The following UTS2 variants were observed in gnomAD, a reference collection of about 807,000 sequenced individuals.
The protein encoded by UTS2 is urotensin 2, also known as urotensin-2.
UTS2 carries 10 observed loss-of-function variants against 12.6 expected under a neutral mutation model. That is an observed-to-expected ratio of 0.80 (90% confidence interval 0.49 to 1.35). The LOEUF (loss-of-function observed/expected upper bound fraction) is 1.35. Among genes scored for constraint, UTS2 ranks in the 40% most tolerant of loss-of-function variants. UTS2 has a pLI of 0.00. For missense variants in UTS2, 142 were observed against 143.2 expected (o/e 0.99, Z 0.04); for synonymous variants, 52 against 50.0 (o/e 1.04, Z -0.17).
At chr1:7,864,915 CCTCTGTGTGTCTGTCCG>C in the UTS2 span, among the ~76,000 whole-genome samples, 1 of 106,302 alleles carries the variant, frequency 9.4e-6, no homozygotes, top group Non-Finnish European at 2.2e-5. Context: ...CACAGCGGTC[CCTCTGTGTGTCTGTCCG>C]ATACCATCTT....
At chr1:7,895,594 G>GAT in the UTS2 span, among the ~76,000 whole-genome samples, 1 of 152,118 alleles carries the variant, frequency 6.6e-6, no homozygotes. Context: ...TTAATTGACA[G>GAT]ATAACTACCA....
the UTS2 span, among the ~76,000 whole-genome samples, chr1:7,874,929 G>A: frequency 6.6e-6 from 1 of 152,054 alleles, no homozygotes; most frequent in South Asian, 2.1e-4. Context: ...AAATGTCCTT[G>A]CTTCCCCTTT....
At chr1:7,904,923 AAAG>A in the UTS2 span, among the ~76,000 whole-genome samples, 1 of 150,204 alleles carries the variant, frequency 6.7e-6, no homozygotes, top group African/African-American at 2.5e-5. Context: ...AAAAAAAAAA[AAAG>A]CCCACATAGA....
chr1:7,890,331 C>T, the UTS2 span, among the ~76,000 whole-genome samples: 2 of 152,082 alleles, frequency 1.3e-5, no homozygotes, highest in African/African-American at 2.4e-5. Context: ...GGTTTTTCTC[C>T]GTCCTTGCAA....
At chr1:7,872,519 G>A in the UTS2 span, among the ~76,000 whole-genome samples, 2 of 152,158 alleles carry the variant, frequency 1.3e-5, no homozygotes, top group South Asian at 2.1e-4. Flanking sequence ...TGCTGATATG[G>A]AGAAAGTTCT....
At chr1:7,850,719 C>T in intron 2 of UTS2, 93 bp downstream of exon 2, 1 of 1,312,480 alleles carries the variant, frequency 7.6e-7, no homozygotes, top group Non-Finnish European at 1.1e-6. Flanking sequence ...TCTTTATATT[C>T]CAAAATAGAG....
chr1:7,851,098 C>T (rs1443905635), intron 1 of UTS2, among the ~76,000 whole-genome samples, 176 bp from the exon 2 acceptor site: 1 of 152,144 alleles, frequency 6.6e-6, no homozygotes, highest in African/African-American at 2.4e-5. Context: ...GCTACCAGCC[C>T]GTGTGCCAGC....
the UTS2 span, among the ~76,000 whole-genome samples, chr1:7,900,849 A>G: frequency 1.3e-5 from 2 of 152,240 alleles, no homozygotes; most frequent in South Asian, 4.1e-4. Context: ...TTTTAGTATC[A>G]AGGTTACACT....
upstream of UTS2, chr1:7,853,576 G>A (rs1638221180): frequency 1.7e-6 from 2 of 1,173,554 alleles, no homozygotes; most frequent in South Asian, 3.1e-5. Context: ...AGCAAACATT[G>A]CTCCAGGCTC....
At chr1:7,850,739 T>G in intron 2 of UTS2, 73 bp downstream of exon 2, 1 of 1,447,820 alleles carries the variant, frequency 6.9e-7, no homozygotes, top group East Asian at 2.3e-5. Flanking sequence ...GCTTTACCTC[T>G]TCTAGATGAG....
At chr1:7,850,787 G>T in intron 2 of UTS2, 25 bp downstream of exon 2, 2 of 1,605,794 alleles carry the variant, frequency 1.2e-6, no homozygotes, top group Non-Finnish European at 8.5e-7. Context: ...AATCAGACAC[G>T]CTATAAACAT....
In UTS2 at chr1:7,847,783, A is replaced by G. The variant is rs763711209; in HGVS notation, c.358T>C (p.Trp120Arg). Residue 120 changes from tryptophan (W) to arginine (R), a missense_variant, in exon 4 of 4, where the codon TGG (tryptophan) becomes CGG (arginine). Coordinates refer to ENST00000361696, the MANE Select transcript of UTS2 (RefSeq NM_006786.4). ...ATTTCACTTCAGACACAGTATTTCCAGAAGCAATCAGGAGTCTCACGTTTC... is the reference window on the plus strand; with the variant it reads ...ATTTCACTTCAGACACAGTATTTCCGGAAGCAATCAGGAGTCTCACGTTTC... ...YKKRETPDCFWKYCV is the reference protein window; with the variant it reads ...YKKRETPDCFRKYCV 1 of 1,612,876 alleles carries G rather than the reference A, an allele frequency of 6.2e-7. No individual in the cohort carries two copies. The highest frequency in any genetic ancestry group is 8.5e-7 in the Non-Finnish European group (1 of 1,179,190).
At chr1:7,906,399 C>CAAGA in the UTS2 span, among the ~76,000 whole-genome samples, 15 of 102,866 alleles carry the variant, frequency 1.5e-4, no homozygotes, top group East Asian at 1.4e-3. Flanking sequence ...TATAGCACAG[C>CAAGA]AAGAAAGAAA....
chr1:7,908,891 C>T, the UTS2 span, among the ~76,000 whole-genome samples: 5 of 151,828 alleles, frequency 3.3e-5, no homozygotes, highest in South Asian at 8.3e-4. Flanking sequence ...ACTGCAACCT[C>T]CACCTCCCAG....
the UTS2 span, among the ~76,000 whole-genome samples, chr1:7,900,574 C>T: frequency 7.2e-5 from 11 of 151,852 alleles, no homozygotes; most frequent in East Asian, 1.2e-3. Flanking sequence ...GTCAGGAGTT[C>T]GAGACTGGCC....
chr1:7,891,399 G>A, the UTS2 span, among the ~76,000 whole-genome samples: 3 of 152,016 alleles, frequency 2.0e-5, no homozygotes, highest in East Asian at 1.9e-4. Flanking sequence ...GGTGGTGGGC[G>A]CTTGTAATCC....
At chr1:7,906,245 A>C in the UTS2 span, among the ~76,000 whole-genome samples, 2 of 151,942 alleles carry the variant, frequency 1.3e-5, no homozygotes, top group East Asian at 3.9e-4. Context: ...ATGGGAATCA[A>C]TTTTTCTAAA....
chr1:7,869,888 A>G, the UTS2 span, among the ~76,000 whole-genome samples: 1 of 152,222 alleles, frequency 6.6e-6, no homozygotes, highest in South Asian at 2.1e-4. Context: ...CATATCACTG[A>G]TATCAGAGGA....
chr1:7,873,747 A>G, the UTS2 span, among the ~76,000 whole-genome samples: 1 of 152,150 alleles, frequency 6.6e-6, no homozygotes, highest in Non-Finnish European at 1.5e-5. Flanking sequence ...AATGACAACA[A>G]AGGACTTAGA....
Sources: allele counts gnomAD v4.1 joint callset (sites outside exome capture counted in the v4.1 genomes callset), GRCh38; gene constraint gnomAD v4.1.1; transcripts MANE v1.5; gene names NCBI Gene and HGNC (gene_info 2026-07-23, HGNC 2026-07-21).